Variants in PIGG observed in about 807,000 individuals in gnomAD.
PIGG encodes the protein GPI ethanolamine phosphate transferase 2, catalytic subunit.
PIGG carries 70 observed loss-of-function variants against 83.2 expected under a neutral mutation model. The ratio of observed to expected loss-of-function variants is 0.84; its 90% CI spans 0.69 to 1.03. The LOEUF (loss-of-function observed/expected upper bound fraction) is 1.03. Ranked by LOEUF, PIGG falls within the 50% of genes least tolerant of loss-of-function variation. The pLI, the probability that PIGG is intolerant of heterozygous loss-of-function variation, is 0.00. For synonymous variants in PIGG, 532 were observed against 519.5 expected (o/e 1.02, Z -0.33); for missense variants, 1,257 against 1,233.6 (o/e 1.02, Z -0.28).
chr4:508,271 G>C (rs887457096), intron 4 of PIGG, among the ~76,000 whole-genome samples: 2 of 152,238 alleles, frequency 1.3e-5, no homozygotes, highest in African/African-American at 4.8e-5. Context: ...GAGACTTGAA[G>C]GGAGGGAGGG....
intron 11 of PIGG, chr4:533,065 G>T (rs1420415878): frequency 6.6e-6 from 1 of 152,536 alleles, no homozygotes; most frequent in African/African-American, 2.4e-5. Flanking sequence ...GCGCAGAGAG[G>T]CAGGGTCTCT....
chr4:501,391 A>G (rs1455648340), intron 2 of PIGG, among the ~76,000 whole-genome samples: 1 of 152,274 alleles, frequency 6.6e-6, no homozygotes, highest in Non-Finnish European at 1.5e-5. Context: ...TGGGTGAGAA[A>G]GCCTGGCTGA....
At chr4:520,526 C>T (rs550609718) in intron 6 of PIGG, among the ~76,000 whole-genome samples, 17 of 152,266 alleles carry the variant, frequency 1.1e-4, no homozygotes, top group African/African-American at 3.4e-4. Flanking sequence ...GGCTGCAGAA[C>T]GGGGGACGTT....
chr4:513,982 G>A (rs1032523237), intron 5 of PIGG, among the ~76,000 whole-genome samples: 11 of 152,186 alleles, frequency 7.2e-5, no homozygotes, highest in African/African-American at 2.4e-4. Context: ...ACCCCTGGCT[G>A]ACCTTTTGGA....
At chr4:502,568 A>G (rs76496204) in intron 2 of PIGG, among the ~76,000 whole-genome samples, 165 of 152,304 alleles carry the variant, frequency 1.1e-3, no homozygotes, top group Non-Finnish European at 1.4e-3. Context: ...CATGTAACTC[A>G]TTTTTGAATG....
intron 12 of PIGG, among the ~76,000 whole-genome samples, chr4:536,085 T>C (rs1275086900): frequency 1.3e-5 from 2 of 152,196 alleles, no homozygotes; most frequent in African/African-American, 4.8e-5. Context: ...GTGTTGAGGC[T>C]CTCACAGCAT....
In PIGG at chr4:528,308, G is replaced by A. The variant is rs1728217869; in HGVS notation, c.2261+1078G>A. ...ATTTAGGACCTGAAATCATAAGATT[G>A]TGGTCTTGCTTTTTACTTATTTTTG... On this transcript the variant is annotated intron_variant, in intron 10 of 12. Transcript: ENST00000453061. This position sits in a 1 kb window ranked among gnomAD's most constrained non-coding sequence, Gnocchi z 4.8. 1 of 984,130 alleles carries A rather than the reference G, an allele frequency of 1.0e-6. No individual in the cohort carries two copies. The highest frequency in any genetic ancestry group is 1.7e-5 in the African/African-American group (1 of 57,166). 61.0% of individuals were successfully genotyped at this position (984,130 alleles called of 1,614,324 possible). A position where few individuals can be genotyped will look rare whatever the true frequency, so the allele number is the denominator to read the frequency against.
At chr4:513,565 A>G (rs561913310) in intron 5 of PIGG, among the ~76,000 whole-genome samples, 280 of 152,250 alleles carry the variant, frequency 1.8e-3, no homozygotes, top group African/African-American at 6.7e-3. Flanking sequence ...TCTTGCTACT[A>G]GAATGTTTGA....
chr4:535,458 G>A (rs1406769113), intron 12 of PIGG, among the ~76,000 whole-genome samples: 5 of 152,226 alleles, frequency 3.3e-5, no homozygotes, highest in South Asian at 4.1e-4. Context: ...GCAGGCGAGC[G>A]TCTGGGACAC....
At chr4:529,628 T>C (rs1398009382) in intron 10 of PIGG, among the ~76,000 whole-genome samples, 6 of 152,272 alleles carry the variant, frequency 3.9e-5, no homozygotes, top group Admixed American at 3.3e-4. Flanking sequence ...ATACGTGTTT[T>C]GTAAGATGAA....
chr4:535,822 GC>G (rs1197109786), intron 12 of PIGG, among the ~76,000 whole-genome samples: 2 of 152,076 alleles, frequency 1.3e-5, no homozygotes, highest in Non-Finnish European at 2.9e-5. Flanking sequence ...TCAGCTCCAC[GC>G]AGGTCCTCTC....
chr4:519,510 T>C (rs905570241), intron 6 of PIGG, among the ~76,000 whole-genome samples: 2 of 152,234 alleles, frequency 1.3e-5, no homozygotes, highest in African/African-American at 4.8e-5. Flanking sequence ...TTGCAGCTTT[T>C]ACCCACTGGC....
intron 9 of PIGG, 73 bp from the exon 10 acceptor site, chr4:526,966 G>A: frequency 6.5e-7 from 1 of 1,538,712 alleles, no homozygotes; most frequent in Non-Finnish European, 8.8e-7. Flanking sequence ...ACCGTTCTTT[G>A]AAAGCCACTT....
At chr4:520,891 T>TG (rs1409570892) in intron 6 of PIGG, among the ~76,000 whole-genome samples, 165 bp from the exon 7 acceptor site, 2 of 152,252 alleles carry the variant, frequency 1.3e-5, no homozygotes, top group African/African-American at 4.8e-5. Flanking sequence ...CAGAAGGCGT[T>TG]GCAGACCCCC....
chr4:530,482 C>T lies in PIGG; in HGVS notation c.2308C>T (p.Leu770=), dbSNP rs1728776021. ...RFVYVFVLGI[L]FTGTKDLLKS... is the part of the protein sequence containing the mutation. ...TGTTTATGTCTTTGTCCTTGGCATT[C>T]TGTTCACGGGCACCAAAGACTTACT... Residue 770 remains leucine (L), a synonymous_variant, in exon 11 of 13, where the codon CTG becomes TTG. Coordinates refer to ENST00000453061, the MANE Select transcript of PIGG (RefSeq NM_001127178.3). 1 of 1,613,744 alleles carries T rather than the reference C, an allele frequency of 6.2e-7. No homozygotes were observed. The highest frequency in any genetic ancestry group is 1.3e-5 in the African/African-American group (1 of 74,908).
In PIGG at chr4:507,557, C is replaced by A. The variant is rs782415035; in HGVS notation, c.723C>A (p.Ser241Arg). Residue 241 changes from serine to arginine, a missense_variant, in exon 4 of 13, where the codon AGC becomes AGA. Transcript: ENST00000453061. ...GGCAGAAGCTGAGCGAGATGGACAGCGTGCTGATGAAGATCCACACCTCAC... is the reference window on the plus strand; with the variant it reads ...GGCAGAAGCTGAGCGAGATGGACAGAGTGCTGATGAAGATCCACACCTCAC... The part of the protein sequence containing the change: ...LIGQKLSEMD[S>R]VLMKIHTSLQ... 3 of 1,613,514 alleles carry A rather than the reference C, an allele frequency of 1.9e-6. No homozygotes were observed. The highest frequency in any genetic ancestry group is 2.5e-6 in the Non-Finnish European group (3 of 1,179,900).
At chr4:534,014 G>C (rs376419857) in intron 12 of PIGG, 33 bp downstream of exon 12, 75 of 1,602,946 alleles carry the variant, frequency 4.7e-5, no homozygotes, top group Admixed American at 6.7e-5. Context: ...GCACAGTTCT[G>C]GGGGCCGGCT....
intron 10 of PIGG, chr4:527,982 C>T (rs568601284): frequency 1.0e-6 from 1 of 985,412 alleles, no homozygotes; most frequent in African/African-American, 1.7e-5. Flanking sequence ...CTGAAGTGTC[C>T]TTCACAAAGT....
intron 8 of PIGG, chr4:522,343 G>A: frequency 2.5e-6 from 1 of 400,126 alleles, no homozygotes; most frequent in East Asian, 4.3e-5. Context: ...GGACACTCAG[G>A]AGGGTCAAAA....
Sources: gnomAD v4.1 joint callset for allele counts (sites outside exome capture counted in the v4.1 genomes callset) on GRCh38, gnomAD v4.1.1 for gene constraint, Gnocchi (gnomAD v3.1) non-coding constraint, MANE v1.5 for transcripts, NCBI Gene and HGNC (gene_info 2026-07-23, HGNC 2026-07-21) for gene names.